Variants in CBFA2T3 observed in about 807,000 individuals in gnomAD.
CBFA2T3 encodes CBFA2/RUNX1 partner transcriptional co-repressor 3, also known as transcriptional corepressor CBFA2T3.
Under a neutral mutation model 58.6 loss-of-function variants are expected in CBFA2T3, and 31 were observed. The ratio of observed to expected loss-of-function variants is 0.53; its 90% CI spans 0.40 to 0.71. CBFA2T3 has a LOEUF of 0.71. Ranked by LOEUF, CBFA2T3 falls within the 30% of genes least tolerant of loss-of-function variation. The pLI is 0.00. For synonymous variants in CBFA2T3, 531 were observed against 421.9 expected (o/e 1.26, Z -3.17); for missense variants, 1,076 against 963.1 (o/e 1.12, Z -1.55).
Position 88,892,331 on chromosome 16 carries a change from C to G in CBFA2T3, c.534G>C (p.Lys178Asn). The change falls in exon 4 of 12, where the codon AAG (lysine) becomes AAC (asparagine). Residue 178 changes from lysine to asparagine, a missense_variant. Lys to Asn is a moderately conservative substitution (Grantham distance 94, BLOSUM62 0). Coordinates refer to ENST00000268679, the MANE Select transcript of CBFA2T3 (RefSeq NM_005187.6). ...ACGARQLSKLKRFLTTLQQFG... is the reference protein window; with the variant it reads ...ACGARQLSKLNRFLTTLQQFG... ...ACTGCTGCAGTGTGGTGAGGAAGCG[C>G]TTGAGCTTGCTGAGCTGCCGGGCCC... The G allele has an allele frequency of 6.2e-7, 1 of 1,613,232 alleles. No homozygotes were observed. Among genetic ancestry groups the G allele is most frequent in the Non-Finnish European group, 8.5e-7 (1 of 1,179,940 alleles).
At chr16:88,911,751 G>A (rs1970539005) in intron 1 of CBFA2T3, among the ~76,000 whole-genome samples, 1 of 152,278 alleles carries the variant, frequency 6.6e-6, no homozygotes, top group Admixed American at 6.5e-5. Context: ...GGCCACAACG[G>A]CCGCGTGGAG....
At chr16:88,906,103 G>C (rs911894356) in intron 1 of CBFA2T3, among the ~76,000 whole-genome samples, 1 of 152,072 alleles carries the variant, frequency 6.6e-6, no homozygotes, top group Non-Finnish European at 1.5e-5. Flanking sequence ...CGAAATGGTG[G>C]CTATTATTAT....
chr16:88,949,396 C>G (rs1167688662), intron 1 of CBFA2T3, among the ~76,000 whole-genome samples: 2 of 150,906 alleles, frequency 1.3e-5, no homozygotes, highest in Non-Finnish European at 3.0e-5. Flanking sequence ...CTATCTCCAC[C>G]AAAAATACAA....
chr16:88,961,817 C>G lies in CBFA2T3; in HGVS notation c.151+14840G>C, dbSNP rs568516081. On this transcript the variant is annotated intron_variant, in intron 1 of 11. Coordinates refer to ENST00000268679, the MANE Select transcript of CBFA2T3 (RefSeq NM_005187.6). ...CGACACTCAGCGCTGGGCATTCCCA[C>G]TGCATAGTAACCGACACTCAGCGCT... is the stretch of plus-strand genomic sequence containing the variant. Among the ~76,000 whole-genome samples, 36 of 131,510 alleles carry G rather than the reference C, an allele frequency of 2.7e-4. 1 individual carries two copies. The highest frequency in any genetic ancestry group is 2.1e-4 in the Non-Finnish European group (13 of 60,662). 86.3% of individuals were successfully genotyped at this position (131,510 alleles called of 152,430 possible).
At position 88,876,953 on chromosome 16, in the gene CBFA2T3, C is replaced by T. The variant is rs992047234; in HGVS notation, c.*23G>A. On this transcript the variant is annotated 3_prime_UTR_variant, in exon 12 of 12. Transcript: ENST00000268679. ...GGTGGGGTTGGCACGGTGCTGTGTC[C>T]GGCAGGCCAGGGGCCAGTGGGGTCA... is the stretch of plus-strand genomic sequence containing the variant. The T allele has an allele frequency of 1.5e-5, 21 of 1,409,288 alleles. No homozygotes were observed. In the Admixed American group the frequency reaches 1.5e-4, roughly 10 times the overall value. 87.3% of individuals were successfully genotyped at this position (1,409,288 alleles called of 1,614,324 possible). A position where few individuals can be genotyped will look rare whatever the true frequency, so the allele number is the denominator to read the frequency against.
intron 1 of CBFA2T3, among the ~76,000 whole-genome samples, chr16:88,947,210 G>C (rs1322075762): frequency 6.6e-6 from 1 of 152,218 alleles, no homozygotes; most frequent in East Asian, 1.9e-4. Flanking sequence ...ATGAGAACTC[G>C]GCGCTTTCCG....
chr16:88,941,283 G>T, intron 1 of CBFA2T3: 1 of 580,740 alleles, frequency 1.7e-6, no homozygotes, highest in Non-Finnish European at 2.2e-6. Context: ...TCCGGCCTCC[G>T]CGGCCCGCGC....
intron 1 of CBFA2T3, among the ~76,000 whole-genome samples, chr16:88,925,030 A>G (rs1971039818): frequency 6.6e-6 from 1 of 152,208 alleles, no homozygotes. Flanking sequence ...TGTGTCTGCG[A>G]GGGGTCTCAG....
intron 1 of CBFA2T3, among the ~76,000 whole-genome samples, chr16:88,967,814 C>T (rs970690535): frequency 2.6e-5 from 4 of 152,166 alleles, no homozygotes; most frequent in Non-Finnish European, 4.4e-5. Context: ...TCCAGGGCAC[C>T]GGGGAACTCA....
Position 88,875,761 on chromosome 16 carries a change from C to T in CBFA2T3, c.*1215G>A, listed in dbSNP as rs914561639. ...GTCGAGAATCAACCCAAAAGATTGT[C>T]ACAGTTTTGTTTCGGAATTATGCTC... On this transcript the variant is annotated 3_prime_UTR_variant, in exon 12 of 12. Transcript: ENST00000268679. 5 of 233,428 alleles carry T rather than the reference C, an allele frequency of 2.1e-5. No individual in the cohort carries two copies. Among genetic ancestry groups the T allele is most frequent in the African/African-American group, 1.1e-4 (5 of 45,288 alleles). 14.5% of individuals were successfully genotyped at this position (233,428 alleles called of 1,614,324 possible).
At chr16:88,886,255 C>A in intron 5 of CBFA2T3, 113 bp from the exon 6 acceptor site, 3 of 711,998 alleles carry the variant, frequency 4.2e-6, no homozygotes, top group Non-Finnish European at 6.4e-6. Context: ...GACCTCGGGC[C>A]TCAAAGGTCA....
intron 1 of CBFA2T3, among the ~76,000 whole-genome samples, chr16:88,909,777 G>T (rs1970469638): frequency 1.3e-5 from 2 of 152,218 alleles, no homozygotes; most frequent in Non-Finnish European, 2.9e-5. Flanking sequence ...CCTGAGAGGT[G>T]AGGTCATCTG....
At chr16:88,971,476 G>A (rs1286272642) in intron 1 of CBFA2T3, among the ~76,000 whole-genome samples, 1 of 151,922 alleles carries the variant, frequency 6.6e-6, no homozygotes, top group African/African-American at 2.4e-5. Context: ...CCTGGGGCCT[G>A]GGGTGGGCAG....
At chr16:88,956,178 G>A (rs544799937) in intron 1 of CBFA2T3, among the ~76,000 whole-genome samples, 1 of 152,396 alleles carries the variant, frequency 6.6e-6, no homozygotes, top group Admixed American at 6.5e-5. Flanking sequence ...GCAGCCGCCT[G>A]GCCCCAGCCC....
chr16:88,946,696 TG>T (rs1971912055), intron 1 of CBFA2T3, among the ~76,000 whole-genome samples: 1 of 152,188 alleles, frequency 6.6e-6, no homozygotes, highest in Non-Finnish European at 1.5e-5. Flanking sequence ...TTGGCCAGGC[TG>T]GTCTCGAACT....
At chr16:88,972,345 G>C (rs950864155) in intron 1 of CBFA2T3, among the ~76,000 whole-genome samples, 3 of 152,112 alleles carry the variant, frequency 2.0e-5, no homozygotes, top group Non-Finnish European at 2.9e-5. Flanking sequence ...TTGGGGGGGA[G>C]TCAGGCTTTG....
At chr16:88,928,599 C>T (rs1022832176) in intron 1 of CBFA2T3, among the ~76,000 whole-genome samples, 3 of 152,266 alleles carry the variant, frequency 2.0e-5, no homozygotes, top group Non-Finnish European at 4.4e-5. Flanking sequence ...CGGGCGCTGT[C>T]ACCCGCCAGG....
intron 1 of CBFA2T3, among the ~76,000 whole-genome samples, chr16:88,973,441 T>C (rs1296817677): frequency 6.6e-6 from 1 of 152,154 alleles, no homozygotes; most frequent in Non-Finnish European, 1.5e-5. Flanking sequence ...CCTGCGGCAC[T>C]GTGAGAACAG....
At chr16:88,941,388 G>C (rs1406106578) in intron 1 of CBFA2T3, among the ~76,000 whole-genome samples, 2 of 145,224 alleles carry the variant, frequency 1.4e-5, no homozygotes, top group Non-Finnish European at 3.1e-5. Context: ...CTCCGCCTCC[G>C]CCTCCTGCCC....
Sources: allele counts gnomAD v4.1 joint callset (sites outside exome capture counted in the v4.1 genomes callset), GRCh38; gene constraint gnomAD v4.1.1; transcripts MANE v1.5; gene names NCBI Gene and HGNC (gene_info 2026-07-23, HGNC 2026-07-21).